The following GRM5 variants were observed in gnomAD, a reference collection of about 807,000 sequenced individuals.
GRM5 encodes the protein glutamate metabotropic receptor 5, also known as metabotropic glutamate receptor 5.
In GRM5, 19 loss-of-function variants were observed where a neutral mutation model predicts 83.1. The observed-to-expected ratio is 0.23, with a 90% CI of 0.16 to 0.34. The LOEUF is 0.34. Ranked by LOEUF, GRM5 falls within the 10% of genes least tolerant of loss-of-function variation. The pLI, the probability that GRM5 is intolerant of heterozygous loss-of-function variation, is 1.00. For synonymous variants in GRM5, 675 were observed against 633.6 expected (o/e 1.07, Z -0.98); for missense variants, 1,160 against 1,588.3 (o/e 0.73, Z 4.58).
intron 2 of GRM5, among the ~76,000 whole-genome samples, chr11:88,880,795 G>T (rs997965208): frequency 6.6e-6 from 1 of 152,156 alleles, no homozygotes; most frequent in Admixed American, 6.5e-5. Context: ...GTGTTGGGAA[G>T]TGTCTAGACT....
intron 3 of GRM5, among the ~76,000 whole-genome samples, chr11:88,836,992 T>A (rs11021536): frequency 0.13 from 19,920 of 152,150 alleles, 2,837 homozygotes; most frequent in African/African-American, 0.36. Context: ...AAACTAAAGT[T>A]TCATCAAAAA....
chr11:88,918,991 A>C (rs562367404), intron 2 of GRM5, among the ~76,000 whole-genome samples: 3 of 150,970 alleles, frequency 2.0e-5, no homozygotes. Context: ...GGAAGAGAAG[A>C]CTCCAAGACA....
chr11:89,064,390 C>T (rs748683182), intron 1 of GRM5, among the ~76,000 whole-genome samples: 17 of 152,156 alleles, frequency 1.1e-4, no homozygotes, highest in Non-Finnish European at 2.1e-4. Context: ...TCTCAGAACT[C>T]CAAGTTCACT....
At chr11:88,810,971 C>T (rs1017851716) in intron 3 of GRM5, among the ~76,000 whole-genome samples, 8 of 152,180 alleles carry the variant, frequency 5.3e-5, no homozygotes, top group East Asian at 3.9e-4. Flanking sequence ...ATCTGTAAAA[C>T]GGGAACAAGA....
At chr11:88,578,199 C>A (rs537363054) in intron 7 of GRM5, among the ~76,000 whole-genome samples, 1 of 152,172 alleles carries the variant, frequency 6.6e-6, no homozygotes, top group South Asian at 2.1e-4. Context: ...TTGAATTTTT[C>A]ATCACCTCAA....
intron 2 of GRM5, among the ~76,000 whole-genome samples, chr11:88,935,423 T>C (rs1937860379): frequency 6.6e-6 from 1 of 151,882 alleles, no homozygotes; most frequent in African/African-American, 2.4e-5. Context: ...ATTTTGCATA[T>C]AAGGAAATGA....
At chr11:89,004,937 C>T (rs1940483066) in intron 2 of GRM5, among the ~76,000 whole-genome samples, 1 of 152,180 alleles carries the variant, frequency 6.6e-6, no homozygotes, top group African/African-American at 2.4e-5. Context: ...TAATCAAGAA[C>T]TCTAAAACCA....
intron 7 of GRM5, among the ~76,000 whole-genome samples, chr11:88,579,663 C>T (rs1411957287): frequency 6.6e-6 from 1 of 152,096 alleles, no homozygotes; most frequent in Non-Finnish European, 1.5e-5. Context: ...ACAAAAAGAC[C>T]AATGTATTGG....
chr11:88,805,286 G>C (rs747719149), intron 3 of GRM5, among the ~76,000 whole-genome samples: 3 of 152,106 alleles, frequency 2.0e-5, no homozygotes, highest in Non-Finnish European at 4.4e-5. Flanking sequence ...CCGCCTCCCG[G>C]ATTCAAGTGA....
chr11:88,712,475 A>T (rs1190871114), intron 3 of GRM5, among the ~76,000 whole-genome samples: 1 of 152,034 alleles, frequency 6.6e-6, no homozygotes, highest in Non-Finnish European at 1.5e-5. Flanking sequence ...TTGCACTGAA[A>T]GTATGACGAC....
chr11:89,028,903 C>T (rs1287228413), intron 2 of GRM5, among the ~76,000 whole-genome samples: 4 of 152,168 alleles, frequency 2.6e-5, no homozygotes, highest in Admixed American at 2.6e-4. Context: ...CCGTCATCTA[C>T]ATTAGGTATT....
intron 7 of GRM5, 66 bp downstream of exon 7, chr11:88,590,535 C>G: frequency 1.5e-6 from 2 of 1,309,022 alleles, no homozygotes; most frequent in Non-Finnish European, 2.2e-6. Flanking sequence ...GGGGATGTGA[C>G]CCCCCTCTCC....
At chr11:88,994,487 T>TATA (rs1940109702) in intron 2 of GRM5, among the ~76,000 whole-genome samples, 1 of 102,112 alleles carries the variant, frequency 9.8e-6, no homozygotes, top group African/African-American at 3.4e-5. Context: ...ATATATATAT[T>TATA]ACAATTGCTG....
At chr11:88,788,136 ATTC>A (rs1184593237) in intron 3 of GRM5, among the ~76,000 whole-genome samples, 1 of 152,148 alleles carries the variant, frequency 6.6e-6, no homozygotes, top group Non-Finnish European at 1.5e-5. Context: ...ACATCTCCTT[ATTC>A]TTCTTTGCTC....
rs558308125 is a variant in GRM5, at chr11:88,643,749, T to C, written c.1147+9419A>G. On this transcript the variant is annotated intron_variant, in intron 4 of 9. Coordinates refer to ENST00000305447, the MANE Select transcript of GRM5 (RefSeq NM_001143831.3). ...AGCTACTCTCTCCCAAGCAATTCTT[T>C]TCTTTCAGTAGATTTTTTTTTATTT... 4.0e-5 allele frequency among the ~76,000 whole-genome samples: 4 copies of C among 101,092 alleles called. No individual in the cohort carries two copies. The South Asian group carries it at 2.0e-3, about 49-fold the overall frequency. The allele number at this position is 101,092 out of a possible 152,430, so 66.3% of individuals were successfully genotyped here. A position where few individuals can be genotyped will look rare whatever the true frequency, so the allele number is the denominator to read the frequency against.
chr11:88,762,977 AT>A (rs1366751735), intron 3 of GRM5, among the ~76,000 whole-genome samples: 1 of 151,978 alleles, frequency 6.6e-6, no homozygotes, highest in East Asian at 1.9e-4. Context: ...TGATGAGAAC[AT>A]GTGGACACAT....
chr11:88,650,964 A>T (rs1939615611), intron 4 of GRM5, among the ~76,000 whole-genome samples: 1 of 152,032 alleles, frequency 6.6e-6, no homozygotes, highest in African/African-American at 2.4e-5. Context: ...GTACATATAA[A>T]GTGTCCATGC....
chr11:88,549,388 G>A (rs895706190), intron 8 of GRM5, among the ~76,000 whole-genome samples: 6 of 150,906 alleles, frequency 4.0e-5, no homozygotes, highest in Admixed American at 2.6e-4. Flanking sequence ...GGCCATGGAC[G>A]TTGCTTATGC....
intron 6 of GRM5, among the ~76,000 whole-genome samples, chr11:88,594,542 G>A (rs552204498): frequency 1.7e-4 from 26 of 152,270 alleles, no homozygotes; most frequent in African/African-American, 6.3e-4. Flanking sequence ...TAGTCTGTGG[G>A]CCATAGTTTA....
Sources: allele counts gnomAD v4.1 joint callset (sites outside exome capture counted in the v4.1 genomes callset), GRCh38; gene constraint gnomAD v4.1.1; transcripts MANE v1.5; gene names NCBI Gene and HGNC (gene_info 2026-07-23, HGNC 2026-07-21).